PLCH1: variants seen among roughly 807,000 people sequenced by gnomAD.
The protein encoded by PLCH1 is 1-phosphatidylinositol 4,5-bisphosphate phosphodiesterase eta-1.
A neutral mutation model predicts 126.7 loss-of-function variants in PLCH1; 60 were observed. That is an observed-to-expected ratio of 0.47 (90% CI 0.38 to 0.59). PLCH1 has a LOEUF of 0.59. PLCH1 is among the 20% of genes least tolerant of loss of function. The pLI is 0.00. For synonymous variants in PLCH1, 719 were observed against 734.9 expected (o/e 0.98, Z 0.35); for missense variants, 1,723 against 2,040.0 (o/e 0.84, Z 2.99).
intron 6 of PLCH1, among the ~76,000 whole-genome samples, chr3:155,574,601 A>G (rs1260137550): frequency 6.6e-6 from 1 of 152,196 alleles, no homozygotes; most frequent in Non-Finnish European, 1.5e-5. Context: ...GGGAGTGAAG[A>G]AACACCTCTA....
At chr3:155,681,839 T>C (rs149771949) in intron 2 of PLCH1, among the ~76,000 whole-genome samples, 2 of 152,266 alleles carry the variant, frequency 1.3e-5, no homozygotes, top group Non-Finnish European at 2.9e-5. Context: ...AGCAAGCACA[T>C]TTCCTTTCCA....
intron 1 of PLCH1, among the ~76,000 whole-genome samples, chr3:155,709,202 T>C (rs1488324826): frequency 6.6e-6 from 1 of 152,208 alleles, no homozygotes; most frequent in Non-Finnish European, 1.5e-5. Context: ...TCTTAGTTGC[T>C]TCCAAATTTT....
chr3:155,485,244 T>C (rs549985902), intron 22 of PLCH1, 112 bp downstream of exon 22: 35 of 672,580 alleles, frequency 5.2e-5, no homozygotes, highest in African/African-American at 4.3e-4. Context: ...AAGTATTTAT[T>C]TTTCAGTATA....
At chr3:155,692,934 T>C (rs1458111401) in intron 2 of PLCH1, among the ~76,000 whole-genome samples, 1 of 151,984 alleles carries the variant, frequency 6.6e-6, no homozygotes, top group Non-Finnish European at 1.5e-5. Context: ...AGGCGCACGC[T>C]GCCACGCCCG....
chr3:155,504,618 A>G lies in PLCH1; in HGVS notation c.1641T>C (p.Asp547=). The G allele has an allele frequency of 6.3e-7, 1 of 1,599,862 alleles. No homozygotes were observed. Among genetic ancestry groups the G allele is most frequent in the Non-Finnish European group, 8.6e-7 (1 of 1,167,170 alleles). ...GTGATTTCTTTCCACTTTCCTTTACATCTGGACTCTGAATAAATAAAGGCA... is the reference window on the plus strand; with the variant it reads ...GTGATTTCTTTCCACTTTCCTTTACGTCTGGACTCTGAATAAATAAAGGCA... ...GLNAHLKQSP[D]VKESGKKSHG... Residue 547 remains aspartate, a synonymous_variant, in exon 13 of 23, where the codon GAT becomes GAC. Transcript: ENST00000460012.
At chr3:155,633,449 A>C (rs953306630) in intron 2 of PLCH1, among the ~76,000 whole-genome samples, 16 of 132,596 alleles carry the variant, frequency 1.2e-4, no homozygotes, top group South Asian at 2.6e-4. Flanking sequence ...CACACACACA[A>C]ACATAAACAC....
intron 1 of PLCH1, chr3:155,742,264 AT>A (rs1336651357): frequency 6.6e-6 from 1 of 152,188 alleles, no homozygotes; most frequent in African/African-American, 2.4e-5. Flanking sequence ...TTTTCACAGT[AT>A]TTTACATTAT....
intron 10 of PLCH1, among the ~76,000 whole-genome samples, chr3:155,533,901 G>A (rs757359073): frequency 6.6e-6 from 1 of 152,246 alleles, no homozygotes; most frequent in Non-Finnish European, 1.5e-5. Context: ...TGTTGAGCCT[G>A]CAGGTGCACA....
Position 155,500,560 on chromosome 3 carries a change from C to A in PLCH1, c.1796+143G>T, listed in dbSNP as rs1276268974. The A allele has an allele frequency of 1.3e-5, 8 of 600,376 alleles. No individual in the cohort carries two copies. In the East Asian group the frequency reaches 2.3e-4, roughly 17 times the overall value. The allele number at this position is 600,376 out of a possible 1,614,324, so 37.2% of individuals were successfully genotyped here. A position where few individuals can be genotyped will look rare whatever the true frequency, so the allele number is the denominator to read the frequency against. On this transcript the variant is annotated intron_variant, in intron 14 of 22. Coordinates refer to ENST00000460012, the MANE Select transcript of PLCH1 (RefSeq NM_014996.4). ...CCCTACATAAATTATCATTTCATAT[C>A]CAGCTGTTCTTCACATGTTCGACAG...
chr3:155,511,607 C>A (rs1446351194), intron 12 of PLCH1, among the ~76,000 whole-genome samples: 1 of 137,642 alleles, frequency 7.3e-6, no homozygotes, highest in African/African-American at 3.1e-5. Flanking sequence ...TGTTGGAATA[C>A]CCTGTGTGAG....
rs564584392 is a variant in PLCH1 at position 155,486,709 on chromosome 3, A to G, written c.2620-999T>C. Among the ~76,000 whole-genome samples the G allele has an allele frequency of 6.6e-3, 1,007 of 151,764 alleles. 8 individuals are homozygous for G. Among genetic ancestry groups the G allele is most frequent in the African/African-American group, 0.023 (962 of 41,384 alleles). ...CCGGCTAATTTTTTGTATTTTTAGT[A>G]GAGACGGGGTTTCACCTTGTTAGCC... On this transcript the variant is annotated intron_variant, in intron 21 of 22. Coordinates refer to ENST00000460012, the MANE Select transcript of PLCH1 (RefSeq NM_014996.4).
At chr3:155,472,093 G>A (rs1462558821) in intron 21 of PLCH1, among the ~76,000 whole-genome samples, 4 of 152,094 alleles carry the variant, frequency 2.6e-5, no homozygotes, top group Non-Finnish European at 5.9e-5. Flanking sequence ...AGAACTGAAG[G>A]AAATAGAGAC....
intron 13 of PLCH1, among the ~76,000 whole-genome samples, chr3:155,503,015 T>C (rs1217856364): frequency 6.6e-6 from 1 of 152,226 alleles, no homozygotes; most frequent in East Asian, 1.9e-4. Context: ...TGAATTCTTA[T>C]GTAAGTTTTA....
At chr3:155,685,889 A>C (rs1577318468) in intron 2 of PLCH1, among the ~76,000 whole-genome samples, 1 of 152,204 alleles carries the variant, frequency 6.6e-6, no homozygotes, top group East Asian at 1.9e-4. Context: ...GCTTGGCTCT[A>C]ACCCTAAGAA....
intron 2 of PLCH1, among the ~76,000 whole-genome samples, chr3:155,605,392 T>TA (rs1158878301): frequency 1.3e-5 from 2 of 152,076 alleles, no homozygotes; most frequent in African/African-American, 4.8e-5. Context: ...TTTTAAAAAA[T>TA]AAAAAAATAA....
intron 2 of PLCH1, among the ~76,000 whole-genome samples, chr3:155,632,576 A>G (rs996827038): frequency 6.6e-6 from 1 of 152,228 alleles, no homozygotes; most frequent in Admixed American, 6.5e-5. Flanking sequence ...CTATAAAGTC[A>G]TGCAAATGTA....
chr3:155,469,259 C>T (rs572393633), intron 21 of PLCH1, among the ~76,000 whole-genome samples: 265 of 152,098 alleles, frequency 1.7e-3, no homozygotes, highest in African/African-American at 5.7e-3. Flanking sequence ...CATTGCCTCA[C>T]TTGGGAAGCG....
At chr3:155,723,255 T>C (rs1321137417) in intron 1 of PLCH1, among the ~76,000 whole-genome samples, 1 of 152,306 alleles carries the variant, frequency 6.6e-6, no homozygotes, top group Admixed American at 6.5e-5. Flanking sequence ...GTGGTATCAG[T>C]TGTAACATCT....
At chr3:155,465,760 G>A (rs1217411337) in intron 21 of PLCH1, among the ~76,000 whole-genome samples, 1 of 152,098 alleles carries the variant, frequency 6.6e-6, no homozygotes, top group Non-Finnish European at 1.5e-5. Context: ...GTGCCCTAAA[G>A]AGGGACTCAC....
Sources: allele counts gnomAD v4.1 joint callset (sites outside exome capture counted in the v4.1 genomes callset), GRCh38; gene constraint gnomAD v4.1.1; transcripts MANE v1.5; gene names NCBI Gene and HGNC (gene_info 2026-07-23, HGNC 2026-07-21).